The following NBEA variants were observed in gnomAD, a reference collection of about 807,000 sequenced individuals.
NBEA encodes neurobeachin.
In NBEA, 44 loss-of-function variants were observed where a neutral mutation model predicts 343.4. The ratio of observed to expected loss-of-function variants is 0.13; its 90% confidence interval spans 0.10 to 0.16. The LOEUF is 0.16. Among genes scored for constraint, NBEA ranks in the 10% least tolerant of loss-of-function variants. NBEA has a pLI of 1.00. For synonymous variants in NBEA, 1,175 were observed against 1,238.7 expected (o/e 0.95, Z 1.08); for missense variants, 2,555 against 3,631.3 (o/e 0.70, Z 7.62).
chr13:35,353,665 A>G (rs111493109), intron 38 of NBEA, among the ~76,000 whole-genome samples: 1 of 152,188 alleles, frequency 6.6e-6, no homozygotes, highest in African/African-American at 2.4e-5. Context: ...GCGAGGGACC[A>G]TACTAAGAAC....
At chr13:34,963,978 G>T (rs961450609) in intron 1 of NBEA, among the ~76,000 whole-genome samples, 2 of 151,874 alleles carry the variant, frequency 1.3e-5, no homozygotes, top group Non-Finnish European at 2.9e-5. Flanking sequence ...TATGACTTTG[G>T]TAGTTTTATA....
chr13:35,111,740 T>C (rs1264267584), intron 13 of NBEA, among the ~76,000 whole-genome samples: 1 of 152,070 alleles, frequency 6.6e-6, no homozygotes, highest in Non-Finnish European at 1.5e-5. Flanking sequence ...TTGATTTGTT[T>C]AAAATTACTG....
Position 35,157,282 on chromosome 13 carries a change from T to C in NBEA, c.2844+12T>C. 6.7e-7 allele frequency: 1 copy of C among 1,503,176 alleles called. No homozygotes were observed. The highest frequency in any genetic ancestry group is 8.9e-7 in the Non-Finnish European group (1 of 1,118,858). 93.1% of individuals were successfully genotyped at this position (1,503,176 alleles called of 1,614,324 possible). A position where few individuals can be genotyped will look rare whatever the true frequency, so the allele number is the denominator to read the frequency against. ...TAGCCCATTCCAAGGTAACACGGGATTTAACATTTTAACATCATCAGAGTT... is the reference window on the plus strand; with the variant it reads ...TAGCCCATTCCAAGGTAACACGGGACTTAACATTTTAACATCATCAGAGTT... On this transcript the variant is annotated intron_variant, in intron 21 of 58. Transcript: ENST00000379939.
At chr13:35,004,298 A>T (rs781142606) in intron 1 of NBEA, among the ~76,000 whole-genome samples, 6 of 152,176 alleles carry the variant, frequency 3.9e-5, no homozygotes, top group Non-Finnish European at 7.4e-5. Flanking sequence ...ATACCCAGGA[A>T]TGGGATTGCT....
chr13:35,562,263 C>A (rs1047128571), intron 44 of NBEA, among the ~76,000 whole-genome samples: 1 of 151,942 alleles, frequency 6.6e-6, no homozygotes, highest in Non-Finnish European at 1.5e-5. Context: ...CTTAATGATA[C>A]TTAGAGTTCT....
intron 41 of NBEA, among the ~76,000 whole-genome samples, chr13:35,522,591 C>T (rs528379468): frequency 6.6e-6 from 1 of 151,646 alleles, no homozygotes; most frequent in Admixed American, 6.6e-5. Flanking sequence ...AAGATGGGGT[C>T]CCCACCCTCC....
chr13:34,992,246 A>G (rs1251062166), intron 1 of NBEA, among the ~76,000 whole-genome samples: 106 of 133,444 alleles, frequency 7.9e-4, no homozygotes, highest in African/African-American at 2.8e-3. Context: ...GTGTATATAT[A>G]TATATATATA....
chr13:34,945,707 A>G (rs1466996149), intron 1 of NBEA, among the ~76,000 whole-genome samples: 1 of 152,162 alleles, frequency 6.6e-6, no homozygotes, highest in East Asian at 1.9e-4. Flanking sequence ...TTTCTACCTT[A>G]AACAATACCT....
At chr13:34,946,301 G>A (rs558554308) in intron 1 of NBEA, among the ~76,000 whole-genome samples, 78 of 152,138 alleles carry the variant, frequency 5.1e-4, no homozygotes, top group African/African-American at 1.8e-3. Context: ...TAAAACTGGC[G>A]TACTACCTAA....
intron 34 of NBEA, among the ~76,000 whole-genome samples, chr13:35,276,954 C>G (rs2034627577): frequency 6.6e-6 from 1 of 151,988 alleles, no homozygotes; most frequent in South Asian, 2.1e-4. Flanking sequence ...TTAAAGAAAA[C>G]TTTAGAGAAC....
At chr13:35,189,624 C>T (rs1292579479) in intron 30 of NBEA, among the ~76,000 whole-genome samples, 1 of 151,514 alleles carries the variant, frequency 6.6e-6, no homozygotes, top group African/African-American at 2.4e-5. Context: ...AAGCTCTAGT[C>T]GATAATTTAT....
At chr13:35,015,719 A>G (rs555463668) in intron 1 of NBEA, among the ~76,000 whole-genome samples, 1 of 152,248 alleles carries the variant, frequency 6.6e-6, no homozygotes, top group Non-Finnish European at 1.5e-5. Context: ...TTTAGTATAT[A>G]TTTAAATTCT....
At chr13:35,645,719 A>G in intron 49 of NBEA, 150 bp from the exon 50 acceptor site, 1 of 447,648 alleles carries the variant, frequency 2.2e-6, no homozygotes, top group South Asian at 6.1e-5. Flanking sequence ...TATTTTTGTA[A>G]CAAAAGTTTT....
chr13:35,197,622 A>T (rs539263300), intron 31 of NBEA, among the ~76,000 whole-genome samples: 2 of 151,968 alleles, frequency 1.3e-5, no homozygotes, highest in South Asian at 4.2e-4. Flanking sequence ...GGTTCAAGCA[A>T]TTCTCTCCTC....
At chr13:35,053,502 G>A (rs2063138684) in intron 6 of NBEA, among the ~76,000 whole-genome samples, 1 of 151,742 alleles carries the variant, frequency 6.6e-6, no homozygotes, top group African/African-American at 2.4e-5. Flanking sequence ...GTTACTTATA[G>A]TATTTACTTT....
chr13:35,073,265 T>C (rs765337709), intron 10 of NBEA, among the ~76,000 whole-genome samples: 36 of 152,178 alleles, frequency 2.4e-4, no homozygotes, highest in Non-Finnish European at 4.4e-4. Context: ...GACCTTGAAA[T>C]AGGATTTATC....
At chr13:35,301,346 AC>A (rs1169003202) in intron 35 of NBEA, among the ~76,000 whole-genome samples, 5 of 148,698 alleles carry the variant, frequency 3.4e-5, no homozygotes, top group Non-Finnish European at 7.5e-5. Flanking sequence ...TCTTTCCCCA[AC>A]CCCCCAACAG....
At chr13:35,318,543 G>A (rs1473166512) in intron 36 of NBEA, among the ~76,000 whole-genome samples, 1 of 152,164 alleles carries the variant, frequency 6.6e-6, no homozygotes, top group African/African-American at 2.4e-5. Context: ...GTTCATCAGG[G>A]ATATTGGCCT....
At chr13:34,996,616 T>A (rs1440871026) in intron 1 of NBEA, among the ~76,000 whole-genome samples, 3 of 152,140 alleles carry the variant, frequency 2.0e-5, no homozygotes, top group African/African-American at 4.8e-5. Context: ...AAACGTAATG[T>A]AAGAACCATC....
Sources: gnomAD v4.1 joint callset for allele counts (sites outside exome capture counted in the v4.1 genomes callset) on GRCh38, gnomAD v4.1.1 for gene constraint, MANE v1.5 for transcripts, NCBI Gene and HGNC (gene_info 2026-07-23, HGNC 2026-07-21) for gene names.